Variants in MLLT3 observed in about 807,000 individuals in gnomAD.
MLLT3 encodes protein AF-9.
In MLLT3, 4 loss-of-function variants were observed where a neutral mutation model predicts 53.2. That is an observed-to-expected ratio of 0.08 (90% CI 0.04 to 0.17). The LOEUF is 0.17. MLLT3 is among the 10% of genes least tolerant of loss of function. MLLT3 has a pLI of 1.00. For missense variants in MLLT3, 569 were observed against 684.0 expected (o/e 0.83, Z 1.87); for synonymous variants, 283 against 230.6 (o/e 1.23, Z -2.06).
At chr9:20,442,756 A>G (rs563907539) in intron 4 of MLLT3, among the ~76,000 whole-genome samples, 20 of 152,192 alleles carry the variant, frequency 1.3e-4, no homozygotes, top group Non-Finnish European at 2.4e-4. Flanking sequence ...GACAATAAGC[A>G]GCATTTCAGA....
At chr9:20,439,508 G>A (rs1321182864) in intron 4 of MLLT3, among the ~76,000 whole-genome samples, 1 of 151,074 alleles carries the variant, frequency 6.6e-6, no homozygotes, top group Non-Finnish European at 1.5e-5. Context: ...TCAAATTTGT[G>A]CAAAACAGTT....
intron 2 of MLLT3, among the ~76,000 whole-genome samples, chr9:20,541,116 A>C: frequency 6.6e-6 from 1 of 152,186 alleles, no homozygotes; most frequent in Admixed American, 6.5e-5. Flanking sequence ...CCTTTACTCC[A>C]GTTCCCAATA....
intron 4 of MLLT3, among the ~76,000 whole-genome samples, chr9:20,422,006 A>C (rs987431479): frequency 2.0e-5 from 3 of 152,190 alleles, no homozygotes; most frequent in Admixed American, 6.5e-5. Context: ...TGGTAGGATT[A>C]ATGTGTTTTA....
intron 2 of MLLT3, among the ~76,000 whole-genome samples, chr9:20,567,985 T>C (rs1258283718): frequency 6.6e-6 from 1 of 152,200 alleles, no homozygotes; most frequent in South Asian, 2.1e-4. Flanking sequence ...AGATGTTGAC[T>C]TGGAGTCCAT....
At chr9:20,394,199 A>T (rs1252376652) in intron 5 of MLLT3, among the ~76,000 whole-genome samples, 2 of 152,234 alleles carry the variant, frequency 1.3e-5, no homozygotes, top group African/African-American at 2.4e-5. Flanking sequence ...ACCCAAAGAA[A>T]AAGGTCCAGG....
chr9:20,414,058 G>C lies in MLLT3; in HGVS notation c.788C>G (p.Pro263Arg), dbSNP rs1417089357. ...GGTGAGTAAGTTACTATCTGGTTTT[G>C]GCTCTTTTGACATGGGTTTAGGTTC... is the stretch of plus-strand genomic sequence containing the variant. The part of the protein sequence containing the change: ...FKEPKPMSKE[P>R]KPDSNLLTIT... Residue 263 changes from proline to arginine, a missense_variant, in exon 5 of 11, where the codon CCA (proline) becomes CGA (arginine). Physicochemically the swap from Pro to Arg is moderately radical, Grantham distance 103. Around this residue, in one of 5 missense-constraint regions of MLLT3, gnomAD observed 437 missense variants for 376.5 expected, o/e 1.16. Transcript: ENST00000380338. The C allele has an allele frequency of 1.9e-6, 3 of 1,613,952 alleles. No homozygotes were observed. In the African/African-American group the frequency reaches 4.0e-5, roughly 22 times the overall value.
intron 10 of MLLT3, among the ~76,000 whole-genome samples, chr9:20,349,656 A>C (rs948775237): frequency 6.6e-6 from 1 of 152,060 alleles, no homozygotes; most frequent in Admixed American, 6.5e-5. Context: ...TTCTAGAAAA[A>C]AAGCCACTTA....
intron 5 of MLLT3, among the ~76,000 whole-genome samples, chr9:20,397,610 C>G (rs905935710): frequency 6.6e-6 from 1 of 152,052 alleles, no homozygotes; most frequent in Admixed American, 6.6e-5. Context: ...CAGGAGGCAA[C>G]CCATCAATCT....
At chr9:20,406,650 A>G (rs896641454) in intron 5 of MLLT3, among the ~76,000 whole-genome samples, 3 of 152,234 alleles carry the variant, frequency 2.0e-5, no homozygotes, top group Admixed American at 6.5e-5. Flanking sequence ...TATTTAAAGT[A>G]ATACCTGAGG....
intron 5 of MLLT3, among the ~76,000 whole-genome samples, chr9:20,376,013 T>TA (rs1222954454): frequency 6.6e-6 from 1 of 152,222 alleles, no homozygotes; most frequent in East Asian, 1.9e-4. Flanking sequence ...GGCAACACAG[T>TA]AAAATCATAT....
chr9:20,610,665 C>G (rs1266737232), intron 2 of MLLT3, among the ~76,000 whole-genome samples: 1 of 152,042 alleles, frequency 6.6e-6, no homozygotes, highest in Non-Finnish European at 1.5e-5. Context: ...TAACATAGGT[C>G]CCATCCTTTC....
At position 20,346,379 on chromosome 9, in the gene MLLT3, C is replaced by CAAAAAAAAAAAAAAACCAAAAAAA. The variant is rs543672849; in HGVS notation, c.*63_*64insTTTTTTTGGTTTTTTTTTTTTTTT. 1.2e-6 allele frequency: 1 copy of CAAAAAAAAAAAAAAACCAAAAAAA among 850,152 alleles called. No individual in the cohort carries two copies. The allele number at this position is 850,152 out of a possible 1,614,324, so 52.7% of individuals were successfully genotyped here. On this transcript the variant is annotated 3_prime_UTR_variant, in exon 11 of 11. Transcript: ENST00000380338. ...AACAACAAGAACAAAAAATCACAAC[C>CAAAAAAAAAAAAAAACCAAAAAAA]AAAAAAAAAAAAAACCAAAAAAAAA...
At position 20,414,276 on chromosome 9, in the gene MLLT3, A is replaced by G. The variant is rs752959509; in HGVS notation, c.570T>C (p.Ser190=). Residue 190 remains serine (S), a synonymous_variant, in exon 5 of 11, where the codon AGT becomes AGC. Coordinates refer to ENST00000380338, the MANE Select transcript of MLLT3 (RefSeq NM_004529.4). ...SSSSSSSSSS[S]TSFSKPHKLM... is the part of the protein sequence containing the mutation. ...ATTTGTGAGGCTTTGAAAAACTGGT[A>G]CTACTGCTGCTGCTGCTGCTGCTAC... The G allele has an allele frequency of 6.2e-7, 1 of 1,610,028 alleles. No individual in the cohort carries two copies. Among genetic ancestry groups the G allele is most frequent in the Non-Finnish European group, 8.5e-7 (1 of 1,178,256 alleles).
intron 2 of MLLT3, among the ~76,000 whole-genome samples, chr9:20,491,189 C>T (rs183617474): frequency 6.6e-6 from 1 of 152,196 alleles, no homozygotes; most frequent in East Asian, 1.9e-4. Flanking sequence ...TGTACTTCTT[C>T]CTGCATACTC....
intron 5 of MLLT3, among the ~76,000 whole-genome samples, chr9:20,393,687 G>GT (rs1462868178): frequency 6.6e-6 from 1 of 152,070 alleles, no homozygotes; most frequent in Non-Finnish European, 1.5e-5. Context: ...TTTTTATTGC[G>GT]TGATAAAAGT....
intron 2 of MLLT3, among the ~76,000 whole-genome samples, chr9:20,482,490 G>C (rs1824688114): frequency 6.6e-6 from 1 of 152,058 alleles, no homozygotes; most frequent in African/African-American, 2.4e-5. Flanking sequence ...ATAAAATGAA[G>C]TGTTGCCCAA....
intron 4 of MLLT3, among the ~76,000 whole-genome samples, chr9:20,444,153 T>G (rs1823629353): frequency 6.6e-6 from 1 of 152,204 alleles, no homozygotes. Context: ...GAATTCCAAC[T>G]ACTAAAAAGT....
rs1430228907 is a variant in MLLT3, at chr9:20,448,396, T to C, written c.277-130A>G. 4 of 711,748 alleles carry C rather than the reference T, an allele frequency of 5.6e-6. No individual in the cohort carries two copies. Among genetic ancestry groups the C allele is most frequent in the African/African-American group, 1.8e-5 (1 of 55,120 alleles). 44.1% of individuals were successfully genotyped at this position (711,748 alleles called of 1,614,324 possible). Reference sequence around the variant, plus strand: ...TCTAACAGCTAAACTGTCAAAGTAGTACTGGGAAAAAAAAAAGTATCATGG... The same window carrying C: ...TCTAACAGCTAAACTGTCAAAGTAGCACTGGGAAAAAAAAAAGTATCATGG... On this transcript the variant is annotated intron_variant, in intron 3 of 10. Coordinates refer to ENST00000380338, the MANE Select transcript of MLLT3 (RefSeq NM_004529.4). This position sits in a 1 kb window ranked among gnomAD's most constrained non-coding sequence, Gnocchi z 4.0.
chr9:20,548,800 C>G (rs921280762), intron 2 of MLLT3, among the ~76,000 whole-genome samples: 3 of 151,470 alleles, frequency 2.0e-5, no homozygotes, highest in Admixed American at 6.6e-5. Context: ...TCAAACTTAC[C>G]AAAACACATA....
Sources: allele counts gnomAD v4.1 joint callset (sites outside exome capture counted in the v4.1 genomes callset), GRCh38; gene constraint gnomAD v4.1.1; regional missense constraint gnomAD v4.1.1; non-coding constraint Gnocchi (gnomAD v3.1); transcripts MANE v1.5; gene names NCBI Gene and HGNC (gene_info 2026-07-23, HGNC 2026-07-21).